KREMEN1: variants seen among roughly 807,000 people sequenced by gnomAD.
KREMEN1 encodes kremen protein 1.
In KREMEN1, 30 loss-of-function variants were observed where a neutral mutation model predicts 46.5. The observed-to-expected ratio is 0.65, with a 90% confidence interval of 0.48 to 0.88. KREMEN1 has a LOEUF of 0.88. KREMEN1 is among the 40% of genes least tolerant of loss of function. The pLI is 0.00. For synonymous variants in KREMEN1, 214 were observed against 230.6 expected, an observed-to-expected ratio of 0.93 and a Z score of 0.65; for missense variants, 533 against 596.9, an observed-to-expected ratio of 0.89 and a Z score of 1.11.
chr22:29,105,949 T>C (rs2038052478), intron 3 of KREMEN1, among the ~76,000 whole-genome samples: 1 of 152,198 alleles, frequency 6.6e-6, no homozygotes, highest in African/African-American at 2.4e-5. Flanking sequence ...AGATTTCAGA[T>C]GTTAGTATTT....
chr22:29,131,564 G>GTA (rs2038541953), intron 5 of KREMEN1, among the ~76,000 whole-genome samples: 1 of 74,084 alleles, frequency 1.3e-5, no homozygotes, highest in Non-Finnish European at 2.6e-5. Flanking sequence ...ATATATATGT[G>GTA]TGTGTGTGTG....
chr22:29,099,104 T>C, intron 3 of KREMEN1, 151 bp downstream of exon 3: 1 of 607,662 alleles, frequency 1.6e-6, no homozygotes, highest in Admixed American at 2.9e-5. Context: ...GATTTTCACT[T>C]CTCTTGTTGA....
At chr22:29,106,700 C>T (rs1221886787) in intron 3 of KREMEN1, among the ~76,000 whole-genome samples, 1 of 152,152 alleles carries the variant, frequency 6.6e-6, no homozygotes, top group Non-Finnish European at 1.5e-5. Flanking sequence ...AGTCCCATTT[C>T]CTTTATTTCC....
intron 1 of KREMEN1, among the ~76,000 whole-genome samples, chr22:29,091,382 C>A (rs1224228639): frequency 1.3e-5 from 2 of 152,148 alleles, no homozygotes; most frequent in Middle Eastern, 3.2e-3. Context: ...TAGCTAAGAC[C>A]TTCCATTGAT....
At chr22:29,079,291 T>C (rs1173590819) in intron 1 of KREMEN1, among the ~76,000 whole-genome samples, 3 of 152,176 alleles carry the variant, frequency 2.0e-5, no homozygotes, top group Non-Finnish European at 4.4e-5. Flanking sequence ...GAGGAATGAA[T>C]GAATTGGGGT....
At chr22:29,084,944 A>C (rs6005987) in intron 1 of KREMEN1, among the ~76,000 whole-genome samples, 8 of 152,320 alleles carry the variant, frequency 5.3e-5, no homozygotes, top group African/African-American at 1.7e-4. Context: ...AGAAGATCTA[A>C]AAGGTATTTT....
At chr22:29,089,837 G>A (rs2037781101) in intron 1 of KREMEN1, among the ~76,000 whole-genome samples, 1 of 152,150 alleles carries the variant, frequency 6.6e-6, no homozygotes, top group Non-Finnish European at 1.5e-5. Flanking sequence ...CTTTGCATTT[G>A]CTGGACCCTC....
intron 3 of KREMEN1, among the ~76,000 whole-genome samples, chr22:29,107,545 A>C (rs1479036485): frequency 1.3e-5 from 2 of 152,066 alleles, no homozygotes; most frequent in African/African-American, 4.8e-5. Flanking sequence ...TTTACAGCTA[A>C]AGTGAAAATT....
At chr22:29,107,874 G>A (rs906625458) in intron 3 of KREMEN1, among the ~76,000 whole-genome samples, 1 of 152,186 alleles carries the variant, frequency 6.6e-6, no homozygotes, top group African/African-American at 2.4e-5. Context: ...GAGTGCTGAT[G>A]GAATTTATGG....
chr22:29,112,426 T>G (rs1000077018), intron 3 of KREMEN1, among the ~76,000 whole-genome samples: 1 of 152,046 alleles, frequency 6.6e-6, no homozygotes, highest in African/African-American at 2.4e-5. Context: ...CCCATGGAGG[T>G]GTGTGCAGTA....
At chr22:29,091,283 T>G (rs1033137834) in intron 1 of KREMEN1, among the ~76,000 whole-genome samples, 1 of 152,060 alleles carries the variant, frequency 6.6e-6, no homozygotes, top group African/African-American at 2.4e-5. Flanking sequence ...ATGGATTCTT[T>G]TTATTACACA....
In KREMEN1 at chr22:29,114,821, G is replaced by C. The variant is rs1182826283; in HGVS notation, c.353-6536G>C. ...ATATTTGATGACCTCAAGTTACCAAGAAATATTTAAAGAGTAGGCTAAATT... is the reference window on the plus strand; with the variant it reads ...ATATTTGATGACCTCAAGTTACCAACAAATATTTAAAGAGTAGGCTAAATT... On this transcript the variant is annotated intron_variant, in intron 3 of 8. Coordinates refer to ENST00000400335, the MANE Select transcript of KREMEN1 (RefSeq NM_001039570.3). 2.0e-5 allele frequency among the ~76,000 whole-genome samples: 3 copies of C among 152,196 alleles called. No individual in the cohort carries two copies. In the South Asian group the frequency reaches 6.2e-4, roughly 32 times the overall value.
Position 29,143,557 on chromosome 22 carries a change from A to T in KREMEN1, c.*1445A>T, listed in dbSNP as rs1302252187. 4.6e-5 allele frequency: 37 copies of T among 800,772 alleles called. No homozygotes were observed. The Admixed American group carries it at 2.3e-3, about 50-fold the overall frequency. The allele number at this position is 800,772 out of a possible 1,614,324, so 49.6% of individuals were successfully genotyped here. ...GGTGATCGAAACCATCCTGGCTAAG[A>T]TGGTGAAACCCCGTCTCTACTAAAA... On this transcript the variant is annotated 3_prime_UTR_variant, in exon 9 of 9. Transcript: ENST00000400335.
At chr22:29,076,547 G>A (rs377434059) in intron 1 of KREMEN1, among the ~76,000 whole-genome samples, 1 of 152,146 alleles carries the variant, frequency 6.6e-6, no homozygotes, top group Non-Finnish European at 1.5e-5. Flanking sequence ...TTAGTCCCTA[G>A]ACAAACCATT....
At position 29,080,944 on chromosome 22, in the gene KREMEN1, T is replaced by C. The variant is rs113895198; in HGVS notation, c.97+7717T>C. Among the ~76,000 whole-genome samples, 78 of 26,164 alleles carry C rather than the reference T, an allele frequency of 3.0e-3. 1 individual carries two copies. Among genetic ancestry groups the C allele is most frequent in the Non-Finnish European group, 4.0e-3 (43 of 10,790 alleles). 17.2% of individuals were successfully genotyped at this position (26,164 alleles called of 152,430 possible). A position where few individuals can be genotyped will look rare whatever the true frequency, so the allele number is the denominator to read the frequency against. Reference sequence around the variant, plus strand: ...CTGATTGTATTATTTTTTTGTCCTTTTTTTTTTTTTTTTTTTTTAGCGTCA... The same window carrying C: ...CTGATTGTATTATTTTTTTGTCCTTCTTTTTTTTTTTTTTTTTTAGCGTCA... On this transcript the variant is annotated intron_variant, in intron 1 of 8. Coordinates refer to ENST00000400335, the MANE Select transcript of KREMEN1 (RefSeq NM_001039570.3).
chr22:29,136,835 T>G (rs766868032), intron 5 of KREMEN1, among the ~76,000 whole-genome samples: 4 of 152,146 alleles, frequency 2.6e-5, no homozygotes, highest in Non-Finnish European at 5.9e-5. Flanking sequence ...ATGGGAGCGT[T>G]GCATGGGTAC....
chr22:29,132,373 C>T (rs2038577761), intron 5 of KREMEN1, among the ~76,000 whole-genome samples: 1 of 152,138 alleles, frequency 6.6e-6, no homozygotes, highest in African/African-American at 2.4e-5. Context: ...TGTCATTTCT[C>T]TTGGGTACCT....
At position 29,137,487 on chromosome 22, in the gene KREMEN1, C is replaced by G. The variant is rs1407711600; in HGVS notation, c.777C>G (p.Pro259=). 6.2e-7 allele frequency: 1 copy of G among 1,609,350 alleles called. No individual in the cohort carries two copies. The highest frequency in any genetic ancestry group is 2.2e-5 in the East Asian group (1 of 44,698). The part of the protein sequence containing the change: ...PGASHIHFSF[P]LFDIRDSADM... ...CCTCCCACATCCACTTCAGCTTCCC[C>G]CTATTTGACATCAGGGACTCGGCGG... Residue 259 remains proline (P), a synonymous_variant, in exon 6 of 9, where the codon CCC becomes CCG. Transcript: ENST00000400335.
Position 29,138,733 on chromosome 22 carries a change from C to A in KREMEN1, c.1074C>A (p.Val358=). Residue 358 remains valine, a synonymous_variant, in exon 7 of 9, where the codon GTC becomes GTA. Transcript: ENST00000400335. The part of the protein sequence containing the change: ...LSVSAARSSK[V]LYVITTSPSH... ...TCAGCGCTGCCCGGTCCTCCAAAGT[C>A]CTCTATGTCATCACCACCAGCCCCA... 6.2e-7 allele frequency: 1 copy of A among 1,614,216 alleles called. No individual in the cohort carries two copies. The highest frequency in any genetic ancestry group is 8.5e-7 in the Non-Finnish European group (1 of 1,180,048).
Sources: gnomAD v4.1 joint callset for allele counts (sites outside exome capture counted in the v4.1 genomes callset) on GRCh38, gnomAD v4.1.1 for gene constraint, MANE v1.5 for transcripts, NCBI Gene and HGNC (gene_info 2026-07-23, HGNC 2026-07-21) for gene names.